Variants in DPP6 observed in about 807,000 individuals in gnomAD.
DPP6 encodes the protein dipeptidyl peptidase like 6.
Under a neutral mutation model 122.6 loss-of-function variants are expected in DPP6, and 69 were observed. The ratio of observed to expected loss-of-function variants is 0.56; its 90% confidence interval spans 0.46 to 0.69. The LOEUF (loss-of-function observed/expected upper bound fraction) is 0.69. Ranked by LOEUF, DPP6 falls within the 30% of genes least tolerant of loss-of-function variation. The pLI is 0.00. For synonymous variants in DPP6, 418 were observed against 433.1 expected (o/e 0.97, Z 0.43); for missense variants, 928 against 1,116.9 (o/e 0.83, Z 2.41).
At chr7:154,396,422 G>T (rs960750675) in intron 1 of DPP6, among the ~76,000 whole-genome samples, 3 of 152,156 alleles carry the variant, frequency 2.0e-5, no homozygotes, top group African/African-American at 7.2e-5. Context: ...GGAGTGGAAA[G>T]GAAGGAAGAA....
chr7:154,710,050 AC>A (rs1270156900), intron 7 of DPP6, among the ~76,000 whole-genome samples: 1 of 152,194 alleles, frequency 6.6e-6, no homozygotes, highest in Non-Finnish European at 1.5e-5. Flanking sequence ...ACACATGTGC[AC>A]CTCTCCTGCA....
chr7:154,391,084 T>C (rs10272367), intron 1 of DPP6, among the ~76,000 whole-genome samples: 88,467 of 152,060 alleles, frequency 0.58, 28,392 homozygotes, highest in Non-Finnish European at 0.7. Context: ...GTGCCATCCC[T>C]GGGCTGCAGC....
intron 1 of DPP6, among the ~76,000 whole-genome samples, chr7:154,328,513 G>A (rs1808639348): frequency 2.6e-5 from 4 of 152,170 alleles, no homozygotes; most frequent in African/African-American, 7.2e-5. Flanking sequence ...ATTTGCCATA[G>A]ATGTGGGTCT....
intron 1 of DPP6, among the ~76,000 whole-genome samples, chr7:154,260,870 A>G (rs538043797): frequency 3.0e-4 from 46 of 151,876 alleles, no homozygotes; most frequent in South Asian, 8.3e-4. Flanking sequence ...TTGCTAGATC[A>G]AATGGTAGTT....
chr7:153,854,418 G>T, the DPP6 span, among the ~76,000 whole-genome samples: 2 of 151,416 alleles, frequency 1.3e-5, no homozygotes, highest in Admixed American at 6.6e-5. Flanking sequence ...CCATCAAAAA[G>T]TGGGCGAAGG....
chr7:154,132,007 G>T (rs1795306681), intron 1 of DPP6, among the ~76,000 whole-genome samples: 1 of 152,122 alleles, frequency 6.6e-6, no homozygotes. Flanking sequence ...ATTTTTGAGG[G>T]ACAAATTTGG....
intron 1 of DPP6, among the ~76,000 whole-genome samples, chr7:154,318,074 A>G (rs955345437): frequency 1.3e-5 from 2 of 152,244 alleles, no homozygotes; most frequent in Non-Finnish European, 1.5e-5. Flanking sequence ...AGTGTTTTAA[A>G]TTTTAACAAT....
the DPP6 span, among the ~76,000 whole-genome samples, chr7:153,873,885 C>T: frequency 2.0e-5 from 3 of 152,192 alleles, no homozygotes; most frequent in African/African-American, 7.2e-5. Context: ...AGGCAGCTGA[C>T]AGGTTGTGGA....
At chr7:154,296,233 C>A (rs955803013) in intron 1 of DPP6, among the ~76,000 whole-genome samples, 1 of 152,142 alleles carries the variant, frequency 6.6e-6, no homozygotes, top group Non-Finnish European at 1.5e-5. Context: ...CGTGAGCCAC[C>A]GCGCCCGGCT....
intron 3 of DPP6, among the ~76,000 whole-genome samples, chr7:154,477,727 A>ATG (rs1380995712): frequency 1.8e-4 from 28 of 152,294 alleles, no homozygotes; most frequent in African/African-American, 6.5e-4. Flanking sequence ...GAGTTAATAC[A>ATG]CGCAATTGAG....
intron 7 of DPP6, among the ~76,000 whole-genome samples, chr7:154,706,688 T>C (rs1840848616): frequency 6.6e-6 from 1 of 152,248 alleles, no homozygotes; most frequent in Admixed American, 6.5e-5. Flanking sequence ...TAGCTTCAAG[T>C]GGACACTGAA....
At chr7:153,926,245 C>T (rs1800895182) in intron 1 of DPP6, among the ~76,000 whole-genome samples, 1 of 152,164 alleles carries the variant, frequency 6.6e-6, no homozygotes, top group Admixed American at 6.5e-5. Flanking sequence ...CACATATATA[C>T]AAGTAAATCA....
chr7:154,183,282 A>G (rs1798185827), intron 1 of DPP6, among the ~76,000 whole-genome samples: 1 of 152,192 alleles, frequency 6.6e-6, no homozygotes, highest in African/African-American at 2.4e-5. Flanking sequence ...AGAAAATCCC[A>G]AAAGAACAGT....
chr7:154,042,476 G>T (rs549274331), intron 1 of DPP6, among the ~76,000 whole-genome samples: 1 of 152,310 alleles, frequency 6.6e-6, no homozygotes, highest in East Asian at 1.9e-4. Flanking sequence ...TTAATTGGAT[G>T]AAAAATGTCA....
chr7:154,263,730 C>T (rs906942624), intron 1 of DPP6, among the ~76,000 whole-genome samples: 4 of 152,140 alleles, frequency 2.6e-5, no homozygotes, highest in African/African-American at 9.7e-5. Context: ...CTCTGTCACC[C>T]AGGCTGGAGT....
chr7:154,011,248 T>C (rs1798141008), intron 1 of DPP6, among the ~76,000 whole-genome samples: 1 of 152,220 alleles, frequency 6.6e-6, no homozygotes, highest in Non-Finnish European at 1.5e-5. Flanking sequence ...AGAGTAATGT[T>C]GGGACAGATG....
the DPP6 span, among the ~76,000 whole-genome samples, chr7:153,876,965 C>A: frequency 1.3e-5 from 2 of 151,928 alleles, no homozygotes; most frequent in African/African-American, 4.8e-5. Flanking sequence ...GGGAACTTAC[C>A]ATAAATGGAG....
At chr7:154,832,151 C>G (rs1201904241) in intron 16 of DPP6, among the ~76,000 whole-genome samples, 1 of 152,210 alleles carries the variant, frequency 6.6e-6, no homozygotes, top group Non-Finnish European at 1.5e-5. Context: ...ATGCGTTCGG[C>G]TCAGTTCCTG....
intron 7 of DPP6, among the ~76,000 whole-genome samples, chr7:154,686,147 G>A (rs1314187828): frequency 6.6e-6 from 1 of 152,122 alleles, no homozygotes; most frequent in Non-Finnish European, 1.5e-5. Context: ...ATTCAGCAGT[G>A]AGAAAATAGA....
Sources: allele counts gnomAD v4.1 joint callset (sites outside exome capture counted in the v4.1 genomes callset), GRCh38; gene constraint gnomAD v4.1.1; transcripts MANE v1.5; gene names NCBI Gene and HGNC (gene_info 2026-07-23, HGNC 2026-07-21).